Variants in GORAB observed in about 807,000 individuals in gnomAD.
GORAB encodes the protein RAB6-interacting golgin.
GORAB carries 17 observed loss-of-function variants against 29.9 expected under a neutral mutation model. That is an observed-to-expected ratio of 0.57 (90% CI 0.39 to 0.85). The LOEUF (loss-of-function observed/expected upper bound fraction) is 0.85. GORAB is among the 40% of genes least tolerant of loss of function. The pLI is 0.00. For synonymous variants in GORAB, 183 were observed against 157.2 expected, an observed-to-expected ratio of 1.16 and a Z score of -1.23; for missense variants, 442 against 437.8, an observed-to-expected ratio of 1.01 and a Z score of -0.09.
intron 2 of GORAB, among the ~76,000 whole-genome samples, chr1:170,542,134 A>G (rs1480878150): frequency 1.3e-5 from 2 of 152,248 alleles, no homozygotes; most frequent in Admixed American, 1.3e-4. Context: ...ACCAATTTTT[A>G]TTAATCTCCA....
chr1:170,535,633 T>A (rs1286437359), intron 1 of GORAB, among the ~76,000 whole-genome samples: 2 of 152,192 alleles, frequency 1.3e-5, no homozygotes, highest in Non-Finnish European at 2.9e-5. Flanking sequence ...CTTGAACTCC[T>A]GGGCTCAAGC....
chr1:170,544,804 G>T lies in GORAB; in HGVS notation c.621G>T (p.Arg207Ser), dbSNP rs1190606546. Reference sequence around the variant, plus strand: ...TGTCAGCTGACATTGGAATTCTCAGGAACCGGATTGATCAGGCCAGCTTAG... The same window carrying T: ...TGTCAGCTGACATTGGAATTCTCAGTAACCGGATTGATCAGGCCAGCTTAG... ...DMVSADIGIL[R>S]NRIDQASLDY... is the part of the protein sequence containing the mutation. Residue 207 changes from arginine to serine, a missense_variant, in exon 4 of 5, where the codon AGG becomes AGT. Arg to Ser is a moderately radical substitution (Grantham distance 110). Coordinates refer to ENST00000367763, the MANE Select transcript of GORAB (RefSeq NM_152281.3). The T allele has an allele frequency of 3.1e-6, 5 of 1,614,064 alleles. No individual in the cohort carries two copies. Among genetic ancestry groups the T allele is most frequent in the Non-Finnish European group, 3.4e-6 (4 of 1,179,946 alleles).
chr1:170,538,558 A>G (rs1649196708), intron 1 of GORAB, among the ~76,000 whole-genome samples: 1 of 152,158 alleles, frequency 6.6e-6, no homozygotes, highest in African/African-American at 2.4e-5. Context: ...TGCTTTACTG[A>G]GGCTACTATT....
chr1:170,546,898 T>G (rs1257295771), intron 4 of GORAB, among the ~76,000 whole-genome samples: 1 of 152,146 alleles, frequency 6.6e-6, no homozygotes, highest in Non-Finnish European at 1.5e-5. Flanking sequence ...TTGGCCAGGC[T>G]GGTCTCCAAC....
chr1:170,536,998 C>T (rs1185367461), intron 1 of GORAB, among the ~76,000 whole-genome samples: 2 of 151,954 alleles, frequency 1.3e-5, no homozygotes, highest in Non-Finnish European at 2.9e-5. Context: ...AACTGGTAGC[C>T]CATTAGCTTA....
At chr1:170,540,685 G>A (rs1245826051) in intron 2 of GORAB, among the ~76,000 whole-genome samples, 1 of 152,188 alleles carries the variant, frequency 6.6e-6, no homozygotes, top group Non-Finnish European at 1.5e-5. Context: ...CATTGAGCTG[G>A]ACAATTTGGA....
intron 2 of GORAB, among the ~76,000 whole-genome samples, chr1:170,540,802 A>C (rs1218109106): frequency 6.6e-6 from 1 of 152,220 alleles, no homozygotes; most frequent in Non-Finnish European, 1.5e-5. Flanking sequence ...TTGAGGTTTT[A>C]AGGAGGAGAA....
rs1389934510 is a variant in GORAB at position 170,553,473 on chromosome 1, T to A, written c.*1011T>A. 2.3e-6 allele frequency: 1 copy of A among 430,980 alleles called. No individual in the cohort carries two copies. The highest frequency in any genetic ancestry group is 4.5e-6 in the Non-Finnish European group (1 of 220,840). The allele number at this position is 430,980 out of a possible 1,614,324, so 26.7% of individuals were successfully genotyped here. ...TCTGTGAATATCACATTATGATTTA[T>A]TTATCAGAAATTCCAAAAAGTAAAA... On this transcript the variant is annotated 3_prime_UTR_variant, in exon 5 of 5. Transcript: ENST00000367763.
At chr1:170,545,744 A>G in intron 4 of GORAB, 1 of 985,194 alleles carries the variant, frequency 1.0e-6, no homozygotes, top group Non-Finnish European at 1.2e-6. Context: ...ATTAAAGCGG[A>G]AATGCTTGAT....
At chr1:170,538,506 A>G (rs1346674523) in intron 1 of GORAB, among the ~76,000 whole-genome samples, 1 of 152,214 alleles carries the variant, frequency 6.6e-6, no homozygotes, top group East Asian at 1.9e-4. Context: ...GTTATTATTT[A>G]TAACTTTAAA....
rs548851906 is a variant in GORAB at position 170,545,770 on chromosome 1, A to G, written c.662+925A>G. On this transcript the variant is annotated intron_variant, in intron 4 of 4. Coordinates refer to ENST00000367763, the MANE Select transcript of GORAB (RefSeq NM_152281.3). ...AATGCTTGATTGTGGTTTTTAATAA[A>G]CTGTTGAGTGTTTAAGAAAGAGTCT... 3 of 981,076 alleles carry G rather than the reference A, an allele frequency of 3.1e-6. No homozygotes were observed. The East Asian group carries it at 3.4e-4, about 112-fold the overall frequency. The allele number at this position is 981,076 out of a possible 1,614,324, so 60.8% of individuals were successfully genotyped here. A position where few individuals can be genotyped will look rare whatever the true frequency, so the allele number is the denominator to read the frequency against.
rs1650265694 is a variant in GORAB, at chr1:170,553,562, G to A, written c.*1100G>A. The A allele has an allele frequency of 2.2e-6, 1 of 446,566 alleles. No homozygotes were observed. Among genetic ancestry groups the A allele is most frequent in the Admixed American group, 2.4e-5 (1 of 41,340 alleles). The allele number at this position is 446,566 out of a possible 1,614,324, so 27.7% of individuals were successfully genotyped here. A position where few individuals can be genotyped will look rare whatever the true frequency, so the allele number is the denominator to read the frequency against. On this transcript the variant is annotated 3_prime_UTR_variant, in exon 5 of 5. Coordinates refer to ENST00000367763, the MANE Select transcript of GORAB (RefSeq NM_152281.3). The stretch of plus-strand genomic sequence containing the variant: ...TTATTATCAGAGAACATAAGCACAA[G>A]TATAAGATTGTATCCATAAAAGTTT...
In GORAB at chr1:170,552,643, C is replaced by G. The variant is rs1370969965; in HGVS notation, c.*181C>G. ...ATCCAAAATTATGATAACTGTATTT[C>G]TAGGGGTATGTTTCACCTTGATTTT... On this transcript the variant is annotated 3_prime_UTR_variant, in exon 5 of 5. Transcript: ENST00000367763. The G allele has an allele frequency of 4.5e-6, 3 of 666,168 alleles. No homozygotes were observed. Among genetic ancestry groups the G allele is most frequent in the Admixed American group, 2.1e-5 (1 of 48,692 alleles). The allele number at this position is 666,168 out of a possible 1,614,324, so 41.3% of individuals were successfully genotyped here.
At position 170,552,369 on chromosome 1, in the gene GORAB, T is replaced by C. The variant is rs754365376; in HGVS notation, c.1017T>C (p.Asp339=). 6.2e-6 allele frequency: 10 copies of C among 1,614,122 alleles called. 1 individual carries two copies. Among genetic ancestry groups the C allele is most frequent in the East Asian group, 2.2e-5 (1 of 44,892 alleles). The change falls in exon 5 of 5, where the codon GAT becomes GAC. Residue 339 remains aspartate, a synonymous_variant. Coordinates refer to ENST00000367763, the MANE Select transcript of GORAB (RefSeq NM_152281.3). ...CQEQAVSPKV[D]DQCGNSSSIP... The stretch of plus-strand genomic sequence containing the variant: ...AACAAGCTGTTTCCCCAAAGGTAGA[T>C]GACCAGTGTGGAAATTCCAGTAGCA...
intron 4 of GORAB, among the ~76,000 whole-genome samples, chr1:170,548,610 C>T (rs1649907419): frequency 6.6e-6 from 1 of 152,140 alleles, no homozygotes; most frequent in Admixed American, 6.5e-5. Context: ...TGTTTTCAGT[C>T]TTCTTTTATA....
intron 2 of GORAB, 79 bp from the exon 3 acceptor site, chr1:170,542,412 G>A: frequency 1.2e-6 from 1 of 821,204 alleles, no homozygotes. Flanking sequence ...TTAGAGGACT[G>A]AGACTGGTAA....
intron 1 of GORAB, 153 bp downstream of exon 1, chr1:170,532,437 G>A (rs1459281957): frequency 1.2e-6 from 1 of 821,380 alleles, no homozygotes; most frequent in South Asian, 1.5e-5. Context: ...GGGTTTCAGA[G>A]GAGGACTTAC....
chr1:170,543,221 A>G (rs1270154935), intron 3 of GORAB, among the ~76,000 whole-genome samples: 1 of 152,106 alleles, frequency 6.6e-6, no homozygotes, highest in East Asian at 1.9e-4. Flanking sequence ...CAACATTCCC[A>G]TTGGAATCAT....
chr1:170,553,329 T>C lies in GORAB; in HGVS notation c.*867T>C, dbSNP rs2101835799. On this transcript the variant is annotated 3_prime_UTR_variant, in exon 5 of 5. Coordinates refer to ENST00000367763, the MANE Select transcript of GORAB (RefSeq NM_152281.3). ...ACATGAATTACCCTGTCATGAAGCG[T>C]TTAAATTGTTAAAATGCTGATTTTC... The C allele has an allele frequency of 2.2e-6, 1 of 452,658 alleles. No individual in the cohort carries two copies. The highest frequency in any genetic ancestry group is 7.0e-5 in the East Asian group (1 of 14,386). 28.0% of individuals were successfully genotyped at this position (452,658 alleles called of 1,614,324 possible). A position where few individuals can be genotyped will look rare whatever the true frequency, so the allele number is the denominator to read the frequency against.
Sources: allele counts gnomAD v4.1 joint callset (sites outside exome capture counted in the v4.1 genomes callset), GRCh38; gene constraint gnomAD v4.1.1; transcripts MANE v1.5; gene names NCBI Gene and HGNC (gene_info 2026-07-23, HGNC 2026-07-21).